YPEL1: variants seen among roughly 807,000 people sequenced by gnomAD.
The protein encoded by YPEL1 is yippee like 1, also known as protein yippee-like 1.
Under a neutral mutation model 17.3 loss-of-function variants are expected in YPEL1, and 7 were observed. That is an observed-to-expected ratio of 0.40 (90% confidence interval 0.23 to 0.76). The LOEUF (loss-of-function observed/expected upper bound fraction) is 0.76. Ranked by LOEUF, YPEL1 falls within the 30% of genes least tolerant of loss-of-function variation. The pLI is 0.35. For synonymous variants in YPEL1, 59 were observed against 59.6 expected, an observed-to-expected ratio of 0.99 and a Z score of 0.05; for missense variants, 91 against 155.5, an observed-to-expected ratio of 0.59 and a Z score of 2.21.
intron 2 of YPEL1, 125 bp downstream of exon 2, chr22:21,710,503 G>T: frequency 3.6e-6 from 3 of 840,590 alleles, no homozygotes; most frequent in Non-Finnish European, 6.1e-6. Context: ...TGCCTAGAAG[G>T]CTCTAGACGT....
intron 1 of YPEL1, 116 bp downstream of exon 1, chr22:21,735,499 C>CCCCG (rs2068427791): frequency 6.6e-6 from 1 of 152,266 alleles, no homozygotes; most frequent in South Asian, 2.1e-4. Flanking sequence ...CTGCTCGCGC[C>CCCCG]CCCGCCCGCC....
intron 2 of YPEL1, among the ~76,000 whole-genome samples, chr22:21,708,660 ATTTTTTTTTTTTTTTTTTT>A (rs150796353): frequency 5.6e-5 from 6 of 107,210 alleles, no homozygotes; most frequent in Non-Finnish European, 5.6e-5. Flanking sequence ...TCTTGATACA[ATTTTTTTTTTTTTTTTTTT>A]TTTTAAGACA....
At chr22:21,705,557 C>T (rs2068107124) in intron 2 of YPEL1, among the ~76,000 whole-genome samples, 1 of 152,160 alleles carries the variant, frequency 6.6e-6, no homozygotes, top group Non-Finnish European at 1.5e-5. Context: ...AGGAATGTGA[C>T]TGAAACACGA....
intron 1 of YPEL1, among the ~76,000 whole-genome samples, chr22:21,725,850 A>C: frequency 7.4e-6 from 1 of 135,966 alleles, no homozygotes; most frequent in Non-Finnish European, 1.6e-5. Flanking sequence ...AAAAAAAAAA[A>C]TAGCCGGGCA....
intron 1 of YPEL1, among the ~76,000 whole-genome samples, chr22:21,722,561 G>A (rs2148611301): frequency 6.6e-6 from 1 of 150,718 alleles, no homozygotes; most frequent in Non-Finnish European, 1.5e-5. Context: ...AGATTGCAGT[G>A]AGCCGACATC....
Position 21,703,626 on chromosome 22 carries a change from C to T in YPEL1, c.162-148G>A, listed in dbSNP as rs1158903612. ...GCAGTGCCGTGCCTCTCCCCCAGCC[C>T]TGCCCGCCACCACCATCAATGGGAA... On this transcript the variant is annotated intron_variant, in intron 3 of 4. Coordinates refer to ENST00000339468, the MANE Select transcript of YPEL1 (RefSeq NM_013313.5). This position sits in a 1 kb window ranked among gnomAD's most constrained non-coding sequence, Gnocchi z 6.1. The T allele has an allele frequency of 1.2e-6, 1 of 843,544 alleles. No individual in the cohort carries two copies. The highest frequency in any genetic ancestry group is 1.7e-5 in the African/African-American group (1 of 59,170). 52.3% of individuals were successfully genotyped at this position (843,544 alleles called of 1,614,324 possible). A position where few individuals can be genotyped will look rare whatever the true frequency, so the allele number is the denominator to read the frequency against.
chr22:21,723,794 T>G (rs1054390418), intron 1 of YPEL1, among the ~76,000 whole-genome samples: 1 of 151,810 alleles, frequency 6.6e-6, no homozygotes, highest in African/African-American at 2.4e-5. Context: ...GCCTCCTGAG[T>G]AGCTGGGTCT....
chr22:21,721,132 G>C (rs922084067), intron 1 of YPEL1, among the ~76,000 whole-genome samples: 7 of 150,802 alleles, frequency 4.6e-5, no homozygotes, highest in South Asian at 2.1e-4. Context: ...TTTTTTGGGG[G>C]GGGGAGGGGA....
chr22:21,725,583 G>GA (rs1190387186), intron 1 of YPEL1, among the ~76,000 whole-genome samples: 2 of 151,764 alleles, frequency 1.3e-5, no homozygotes, highest in Admixed American at 1.3e-4. Flanking sequence ...CTAGATGGTA[G>GA]AAAAAAAATC....
At chr22:21,728,314 C>T (rs5994845) in intron 1 of YPEL1, among the ~76,000 whole-genome samples, 139,861 of 152,016 alleles carry the variant, frequency 0.92, 64,863 homozygotes, top group African/African-American at 0.97. Flanking sequence ...GGCAAGGCAC[C>T]GTCCTTGGGA....
Position 21,704,015 on chromosome 22 carries a change from G to T in YPEL1, c.118-133C>A, listed in dbSNP as rs913518749. 96 of 976,272 alleles carry T rather than the reference G, an allele frequency of 9.8e-5. 1 individual carries two copies. The highest frequency in any genetic ancestry group is 1.3e-4 in the East Asian group (5 of 38,344). The allele number at this position is 976,272 out of a possible 1,614,324, so 60.5% of individuals were successfully genotyped here. ...CGCGTCACCGGGAGCAGACACCGGCGTCCCCCCTCCAGAACTCCACTTCTA... is the reference window on the plus strand; with the variant it reads ...CGCGTCACCGGGAGCAGACACCGGCTTCCCCCCTCCAGAACTCCACTTCTA... On this transcript the variant is annotated intron_variant, in intron 2 of 4. Coordinates refer to ENST00000339468, the MANE Select transcript of YPEL1 (RefSeq NM_013313.5).
In YPEL1 at chr22:21,697,674, A is replaced by C. The variant is rs1431607253; in HGVS notation, c.*3455T>G. The C allele has an allele frequency of 6.6e-6, 1 of 152,572 alleles. No homozygotes were observed. The highest frequency in any genetic ancestry group is 2.4e-5 in the African/African-American group (1 of 41,466). 9.5% of individuals were successfully genotyped at this position (152,572 alleles called of 1,614,324 possible). A position where few individuals can be genotyped will look rare whatever the true frequency, so the allele number is the denominator to read the frequency against. Reference sequence around the variant, plus strand: ...CAGTCCTGCTCCTTGCAGTGAAGCCACCATGGGTGACCGTCCAGCCTCACC... The same window carrying C: ...CAGTCCTGCTCCTTGCAGTGAAGCCCCCATGGGTGACCGTCCAGCCTCACC... On this transcript the variant is annotated 3_prime_UTR_variant, in exon 5 of 5. Transcript: ENST00000339468.
At chr22:21,710,133 C>T (rs710171) in intron 2 of YPEL1, among the ~76,000 whole-genome samples, 18,237 of 152,156 alleles carry the variant, frequency 0.12, 1,425 homozygotes, top group Non-Finnish European at 0.17. Flanking sequence ...CAAGGCTGCT[C>T]ATGGGTTCTA....
At chr22:21,716,627 G>C (rs992347792) in intron 1 of YPEL1, among the ~76,000 whole-genome samples, 11 of 152,288 alleles carry the variant, frequency 7.2e-5, no homozygotes. Flanking sequence ...GCTTTAGGCT[G>C]ACAGCGCCCT....
At chr22:21,734,904 T>C (rs1453725517) in intron 1 of YPEL1, among the ~76,000 whole-genome samples, 1 of 152,134 alleles carries the variant, frequency 6.6e-6, no homozygotes, top group African/African-American at 2.4e-5. Flanking sequence ...GGTGGGTATG[T>C]TTTAGATAGA....
Position 21,710,829 on chromosome 22 carries a change from G to T in YPEL1, c.-85C>A. The T allele has an allele frequency of 8.3e-7, 1 of 1,204,706 alleles. No homozygotes were observed. 74.6% of individuals were successfully genotyped at this position (1,204,706 alleles called of 1,614,324 possible). A position where few individuals can be genotyped will look rare whatever the true frequency, so the allele number is the denominator to read the frequency against. On this transcript the variant is annotated 5_prime_UTR_variant, in exon 2 of 5. Transcript: ENST00000339468. ...GGCCTCTCTGACAAAAGCAACACTG[G>T]AAAATGCACGCAAGAGCCGTCGTTG... is the stretch of plus-strand genomic sequence containing the variant.
At chr22:21,725,380 C>T (rs1026537486) in intron 1 of YPEL1, among the ~76,000 whole-genome samples, 3 of 151,986 alleles carry the variant, frequency 2.0e-5, no homozygotes, top group Admixed American at 6.6e-5. Context: ...CCACCACACC[C>T]GGCTAATTTT....
chr22:21,710,828 G>T lies in YPEL1; in HGVS notation c.-84C>A. ...TGGCCTCTCTGACAAAAGCAACACT[G>T]GAAAATGCACGCAAGAGCCGTCGTT... On this transcript the variant is annotated 5_prime_UTR_variant, in exon 2 of 5. Coordinates refer to ENST00000339468, the MANE Select transcript of YPEL1 (RefSeq NM_013313.5). 1 of 1,230,824 alleles carries T rather than the reference G, an allele frequency of 8.1e-7. No homozygotes were observed. The highest frequency in any genetic ancestry group is 1.2e-6 in the Non-Finnish European group (1 of 832,016). 76.2% of individuals were successfully genotyped at this position (1,230,824 alleles called of 1,614,324 possible). A position where few individuals can be genotyped will look rare whatever the true frequency, so the allele number is the denominator to read the frequency against.
At position 21,710,643 on chromosome 22, in the gene YPEL1, G is replaced by A. The variant is rs769001233; in HGVS notation, c.102C>T (p.Asp34=). 36 of 1,614,080 alleles carry A rather than the reference G, an allele frequency of 2.2e-5. No individual in the cohort carries two copies. Among genetic ancestry groups the A allele is most frequent in the Middle Eastern group, 3.3e-4 (2 of 6,082 alleles). The change falls in exon 2 of 5, where the codon GAC becomes GAT. Residue 34 remains aspartate, a synonymous_variant. Transcript: ENST00000339468. ...IHCRAHLANH[D]ELISKSFQGS... is the part of the protein sequence containing the mutation. ...AGCCACTTGCCTTGGAGATGAGCTC[G>A]TCATGATTGGCCAGGTGTGCTCTGC...
Sources: allele counts gnomAD v4.1 joint callset (sites outside exome capture counted in the v4.1 genomes callset), GRCh38; gene constraint gnomAD v4.1.1; non-coding constraint Gnocchi (gnomAD v3.1); transcripts MANE v1.5; gene names NCBI Gene and HGNC (gene_info 2026-07-23, HGNC 2026-07-21).